The following JAZF1 variants were observed in gnomAD, a reference collection of about 807,000 sequenced individuals.
JAZF1 encodes juxtaposed with another zinc finger protein 1.
JAZF1 carries 8 observed loss-of-function variants against 26.4 expected under a neutral mutation model. That is an observed-to-expected ratio of 0.30 (90% CI 0.18 to 0.55). The LOEUF (loss-of-function observed/expected upper bound fraction) is 0.55. Among genes scored for constraint, JAZF1 ranks in the 20% least tolerant of loss-of-function variants. The probability of loss-of-function intolerance (pLI) is 0.94; values close to 1 mark genes in which losing one functional copy is unlikely to be tolerated. For missense variants in JAZF1, 199 were observed against 322.0 expected, an observed-to-expected ratio of 0.62 and a Z score of 2.92; for synonymous variants, 126 against 122.3, an observed-to-expected ratio of 1.03 and a Z score of -0.20.
chr7:27,984,974 A>G (rs56109361), intron 2 of JAZF1, among the ~76,000 whole-genome samples: 10,787 of 152,332 alleles, frequency 0.071, 487 homozygotes, highest in African/African-American at 0.13. Context: ...GGAAATTTAT[A>G]GCACTAAATG....
intron 1 of JAZF1, among the ~76,000 whole-genome samples, chr7:28,117,025 T>C (rs1330372605): frequency 2.0e-5 from 3 of 152,170 alleles, no homozygotes; most frequent in Non-Finnish European, 4.4e-5. Context: ...GGTTTCACCA[T>C]GTTGTCCAGA....
At chr7:27,935,255 T>G (rs1784748055) in intron 2 of JAZF1, among the ~76,000 whole-genome samples, 1 of 152,190 alleles carries the variant, frequency 6.6e-6, no homozygotes, top group African/African-American at 2.4e-5. Flanking sequence ...GTGGGAATGT[T>G]AAACGGTGCA....
intron 1 of JAZF1, among the ~76,000 whole-genome samples, chr7:28,124,802 G>A (rs994609017): frequency 6.6e-6 from 1 of 152,160 alleles, no homozygotes; most frequent in African/African-American, 2.4e-5. Flanking sequence ...GCTTTTTAAT[G>A]AGCATTTTGA....
In JAZF1 at chr7:27,895,882, C is replaced by G. The variant is rs564093118; in HGVS notation, c.189-466G>C. Among the ~76,000 whole-genome samples the G allele has an allele frequency of 3.3e-5, 5 of 150,514 alleles. No homozygotes were observed. In the East Asian group the frequency reaches 7.8e-4, roughly 23 times the overall value. On this transcript the variant is annotated intron_variant, in intron 2 of 4. Coordinates refer to ENST00000283928, the MANE Select transcript of JAZF1 (RefSeq NM_175061.4). ...TCTAACATAAATGGCCTCATGAAAA[C>G]TTTTTTTTTTAAATTTTTTGGTATT...
intron 2 of JAZF1, among the ~76,000 whole-genome samples, chr7:27,988,515 A>G (rs896566013): frequency 2.0e-5 from 3 of 151,990 alleles, no homozygotes; most frequent in African/African-American, 4.8e-5. Context: ...AGCTGGGGAT[A>G]CAGGTGTACA....
At chr7:28,135,860 T>A (rs1264501772) in intron 1 of JAZF1, among the ~76,000 whole-genome samples, 1 of 152,162 alleles carries the variant, frequency 6.6e-6, no homozygotes, top group Non-Finnish European at 1.5e-5. Flanking sequence ...TGTAACTAGG[T>A]GGATGGAGAT....
intron 1 of JAZF1, among the ~76,000 whole-genome samples, chr7:27,995,063 A>G (rs536704245): frequency 3.3e-5 from 5 of 152,226 alleles, no homozygotes; most frequent in African/African-American, 4.8e-5. Context: ...GAGTAACACT[A>G]TTCATTAGAC....
At chr7:28,044,773 A>G (rs1461954097) in intron 1 of JAZF1, among the ~76,000 whole-genome samples, 1 of 152,218 alleles carries the variant, frequency 6.6e-6, no homozygotes, top group Non-Finnish European at 1.5e-5. Context: ...GGTTATAATC[A>G]TCAGAGAATT....
chr7:28,138,398 GTTAGA>G (rs1392378663), intron 1 of JAZF1, among the ~76,000 whole-genome samples: 1 of 152,186 alleles, frequency 6.6e-6, no homozygotes, highest in Non-Finnish European at 1.5e-5. Flanking sequence ...TTAGTATTAA[GTTAGA>G]TTAAATTATG....
intron 1 of JAZF1, among the ~76,000 whole-genome samples, chr7:28,035,176 C>T (rs1219288063): frequency 6.6e-6 from 1 of 150,834 alleles, no homozygotes; most frequent in Non-Finnish European, 1.5e-5. Context: ...AATTAGCCTG[C>T]CGTGGTGGTG....
intron 1 of JAZF1, among the ~76,000 whole-genome samples, chr7:28,047,710 T>C (rs1783520630): frequency 6.6e-6 from 1 of 152,170 alleles, no homozygotes; most frequent in South Asian, 2.1e-4. Flanking sequence ...TTATCATATA[T>C]GGAGATGATC....
intron 1 of JAZF1, among the ~76,000 whole-genome samples, chr7:28,057,178 C>T (rs1434027839): frequency 1.3e-5 from 2 of 152,100 alleles, no homozygotes; most frequent in East Asian, 3.9e-4. Flanking sequence ...TACCTTTAAC[C>T]CACGCCTTAG....
At chr7:28,009,570 G>T (rs917054489) in intron 1 of JAZF1, among the ~76,000 whole-genome samples, 1 of 150,504 alleles carries the variant, frequency 6.6e-6, no homozygotes, top group Non-Finnish European at 1.5e-5. Context: ...TGCAACCTCC[G>T]CCTCCCAGGT....
intron 1 of JAZF1, among the ~76,000 whole-genome samples, chr7:28,174,002 T>A (rs1207539873): frequency 6.6e-6 from 1 of 152,050 alleles, no homozygotes; most frequent in African/African-American, 2.4e-5. Context: ...AAGGCACTTT[T>A]AAAAAATACA....
intron 1 of JAZF1, among the ~76,000 whole-genome samples, chr7:28,125,146 C>CTTT (rs35830575): frequency 2.2e-5 from 3 of 136,152 alleles, no homozygotes; most frequent in Non-Finnish European, 3.1e-5. Flanking sequence ...GGGAAGATTG[C>CTTT]TTTTTTTTTT....
intron 3 of JAZF1, among the ~76,000 whole-genome samples, chr7:27,869,503 G>A (rs149423721): frequency 7.4e-4 from 112 of 152,288 alleles, no homozygotes; most frequent in African/African-American, 2.3e-3. Context: ...AGCATCAGCT[G>A]TGCCATCCCC....
At chr7:28,081,953 G>A (rs1355175018) in intron 1 of JAZF1, among the ~76,000 whole-genome samples, 1 of 152,134 alleles carries the variant, frequency 6.6e-6, no homozygotes, top group Non-Finnish European at 1.5e-5. Flanking sequence ...ACCATTTATA[G>A]AATAAATCAA....
chr7:28,088,229 A>T (rs1784239480), intron 1 of JAZF1, among the ~76,000 whole-genome samples: 1 of 152,244 alleles, frequency 6.6e-6, no homozygotes. Flanking sequence ...TTCAACTGGT[A>T]TCATGTTCCG....
At chr7:27,943,923 A>C (rs1018843789) in intron 2 of JAZF1, among the ~76,000 whole-genome samples, 10 of 152,210 alleles carry the variant, frequency 6.6e-5, no homozygotes, top group African/African-American at 2.4e-4. Context: ...TGTGGGTTTA[A>C]GTCTGTCTCC....
Sources: gnomAD v4.1 joint callset for allele counts (sites outside exome capture counted in the v4.1 genomes callset) on GRCh38, gnomAD v4.1.1 for gene constraint, MANE v1.5 for transcripts, NCBI Gene and HGNC (gene_info 2026-07-23, HGNC 2026-07-21) for gene names.